CTF1: variants seen among roughly 807,000 people sequenced by gnomAD.
The protein encoded by CTF1 is cardiotrophin-1.
Under a neutral mutation model 10.9 loss-of-function variants are expected in CTF1, and 9 were observed. The observed-to-expected ratio is 0.83, with a 90% confidence interval of 0.50 to 1.44. The LOEUF is 1.44. CTF1 is among the 40% of genes most tolerant of loss of function. The pLI is 0.00. For synonymous variants in CTF1, 133 were observed against 138.8 expected (o/e 0.96, Z 0.29); for missense variants, 259 against 275.3 (o/e 0.94, Z 0.42).
chr16:30,900,304 A>T (rs560195487), intron 2 of CTF1, among the ~76,000 whole-genome samples: 54 of 152,328 alleles, frequency 3.5e-4, no homozygotes, highest in African/African-American at 1.2e-3. Context: ...CCAAGGAAAG[A>T]AAATATTTCC....
intron 2 of CTF1, among the ~76,000 whole-genome samples, chr16:30,901,272 AG>A (rs986844415): frequency 1.6e-4 from 24 of 152,182 alleles, no homozygotes; most frequent in Non-Finnish European, 1.2e-4. Context: ...GAGGTTGGGG[AG>A]GATAGGGAAG....
chr16:30,899,531 T>TTG lies in CTF1; in HGVS notation c.142_143insTG (p.Tyr48LeufsTer25). ...ATACGCTGAGCAGCTGCTCCAGGAA[T>TTG]ATGTGAGTGGGAATGGGGGTGGGGG... On this transcript the variant is annotated frameshift_variant and splice_region_variant, in exon 2 of 3. Coordinates refer to ENST00000279804, the MANE Select transcript of CTF1 (RefSeq NM_001330.5). LOFTEE classifies it high-confidence loss of function. 6.4e-7 allele frequency: 1 copy of TTG among 1,573,692 alleles called. No homozygotes were observed. The highest frequency in any genetic ancestry group is 8.7e-7 in the Non-Finnish European group (1 of 1,147,754).
At chr16:30,898,162 A>ATTT (rs1368889898) in intron 1 of CTF1, among the ~76,000 whole-genome samples, 2 of 130,280 alleles carry the variant, frequency 1.5e-5, no homozygotes, top group Non-Finnish European at 1.6e-5. Flanking sequence ...CGCCTGGACA[A>ATTT]TTTTTTTTTT....
rs1049182086 is a variant in CTF1, at chr16:30,896,634, A to G, written c.-10A>G. On this transcript the variant is annotated 5_prime_UTR_variant, in exon 1 of 3. Transcript: ENST00000279804. ...GGCGTGAAGGGAGCCGGGATCAGCC[A>G]GGGGCCAGCATGAGCCGGAGGGAGG... The G allele has an allele frequency of 2.2e-5, 28 of 1,252,672 alleles. No homozygotes were observed. Among genetic ancestry groups the G allele is most frequent in the Non-Finnish European group, 2.7e-5 (27 of 990,110 alleles). The allele number at this position is 1,252,672 out of a possible 1,614,324, so 77.6% of individuals were successfully genotyped here.
Position 30,902,785 on chromosome 16 carries a change from G to A in CTF1, c.*246G>A, listed in dbSNP as rs1019282620. ...CCTCCTGGGCTCAAGCCATCCTTCC[G>A]CCTCAGCTTCCCCAGCAGCTGGGAC... On this transcript the variant is annotated 3_prime_UTR_variant, in exon 3 of 3. Coordinates refer to ENST00000279804, the MANE Select transcript of CTF1 (RefSeq NM_001330.5). 1.3e-5 allele frequency: 5 copies of A among 394,344 alleles called. No homozygotes were observed. Among genetic ancestry groups the A allele is most frequent in the Non-Finnish European group, 4.2e-6 (1 of 236,162 alleles). The allele number at this position is 394,344 out of a possible 1,614,324, so 24.4% of individuals were successfully genotyped here. A position where few individuals can be genotyped will look rare whatever the true frequency, so the allele number is the denominator to read the frequency against.
chr16:30,902,598 C>CT lies in CTF1; in HGVS notation c.*62dup, dbSNP rs1397971991. 2 of 1,437,192 alleles carry CT rather than the reference C, an allele frequency of 1.4e-6. No homozygotes were observed. Among genetic ancestry groups the CT allele is most frequent in the East Asian group, 5.9e-5 (2 of 33,692 alleles). 89.0% of individuals were successfully genotyped at this position (1,437,192 alleles called of 1,614,324 possible). A position where few individuals can be genotyped will look rare whatever the true frequency, so the allele number is the denominator to read the frequency against. On this transcript the variant is annotated 3_prime_UTR_variant, in exon 3 of 3. Coordinates refer to ENST00000279804, the MANE Select transcript of CTF1 (RefSeq NM_001330.5). Reference sequence around the variant, plus strand: ...CTGGGTTCCGTCTCTCCTTCCGCTTCTTTGTCTTTCTCTGCCGCTGTCGGT... The same window carrying CT: ...CTGGGTTCCGTCTCTCCTTCCGCTTCTTTTGTCTTTCTCTGCCGCTGTCGGT...
Position 30,902,249 on chromosome 16 carries a change from C to G in CTF1, c.316C>G (p.Arg106Gly). 9.0e-7 allele frequency: 1 copy of G among 1,110,570 alleles called. No homozygotes were observed. The highest frequency in any genetic ancestry group is 1.1e-6 in the Non-Finnish European group (1 of 912,682). 68.8% of individuals were successfully genotyped at this position (1,110,570 alleles called of 1,614,324 possible). Reference sequence around the variant, plus strand: ...GCCCCCGCTGCTGGACGCAGTGTGTCGCCGCCAGGCCGAGCTGAACCCGCG... The same window carrying G: ...GCCCCCGCTGCTGGACGCAGTGTGTGGCCGCCAGGCCGAGCTGAACCCGCG... ...ALPPLLDAVC[R>G]RQAELNPRAP... Residue 106 changes from arginine to glycine, a missense_variant, in exon 3 of 3, where the codon CGC becomes GGC. By Grantham distance (125) the Arg-to-Gly change is moderately radical (BLOSUM62 -2). Coordinates refer to ENST00000279804, the MANE Select transcript of CTF1 (RefSeq NM_001330.5).
intron 1 of CTF1, among the ~76,000 whole-genome samples, chr16:30,898,833 A>AT (rs2055376401): frequency 6.6e-6 from 1 of 151,750 alleles, no homozygotes; most frequent in Non-Finnish European, 1.5e-5. Context: ...TTATATTTGT[A>AT]TTTTTTGTAA....
chr16:30,895,959 A>ATCATCCCTAT (rs2055343893), upstream of CTF1, among the ~76,000 whole-genome samples: 2 of 149,848 alleles, frequency 1.3e-5, 1 homozygote, highest in South Asian at 4.2e-4. Flanking sequence ...CCAAGTATGG[A>ATCATCCCTAT]TCATCCCTAT....
At chr16:30,899,050 G>A (rs114299170) in intron 1 of CTF1, among the ~76,000 whole-genome samples, 59 of 152,270 alleles carry the variant, frequency 3.9e-4, no homozygotes, top group African/African-American at 1.3e-3. Context: ...AGGAACAATT[G>A]ACTAACACCA....
chr16:30,899,490 C>T lies in CTF1; in HGVS notation c.101C>T (p.Ala34Val), dbSNP rs753956418. The stretch of plus-strand genomic sequence containing the variant: ...AAGATCCGTCAGACACACAGCCTTG[C>T]GCACCTCCTCACCAAATACGCTGAG... ...EAKIRQTHSLAHLLTKYAEQL... is the reference protein window; with the variant it reads ...EAKIRQTHSLVHLLTKYAEQL... The change falls in exon 2 of 3, where the codon GCG becomes GTG. Residue 34 changes from alanine to valine, a missense_variant. Ala to Val is a moderately conservative substitution (Grantham distance 64). Coordinates refer to ENST00000279804, the MANE Select transcript of CTF1 (RefSeq NM_001330.5). 22 of 1,613,206 alleles carry T rather than the reference C, an allele frequency of 1.4e-5. No individual in the cohort carries two copies. The East Asian group carries it at 1.6e-4, about 11-fold the overall frequency.
chr16:30,898,593 G>A (rs565099452), intron 1 of CTF1, among the ~76,000 whole-genome samples: 2 of 152,056 alleles, frequency 1.3e-5, no homozygotes, highest in East Asian at 1.9e-4. Context: ...ACGCCTAACC[G>A]ATATATATTA....
upstream of CTF1, among the ~76,000 whole-genome samples, chr16:30,896,409 C>T (rs939534925): frequency 1.2e-4 from 18 of 152,238 alleles, no homozygotes; most frequent in African/African-American, 4.1e-4. Flanking sequence ...GCCCCGAGGT[C>T]CTGTCCACCC....
At position 30,902,618 on chromosome 16, in the gene CTF1, G is replaced by A; in HGVS notation, c.*79G>A. The A allele has an allele frequency of 7.1e-7, 1 of 1,404,532 alleles. No individual in the cohort carries two copies. Among genetic ancestry groups the A allele is most frequent in the Non-Finnish European group, 9.3e-7 (1 of 1,073,710 alleles). 87.0% of individuals were successfully genotyped at this position (1,404,532 alleles called of 1,614,324 possible). ...CGCTTCTTTGTCTTTCTCTGCCGCT[G>A]TCGGTGTCTGTCTGTCTGCTCTTAG... On this transcript the variant is annotated 3_prime_UTR_variant, in exon 3 of 3. Transcript: ENST00000279804.
At chr16:30,901,985 C>A in intron 2 of CTF1, 93 bp from the exon 3 acceptor site, 1 of 1,163,302 alleles carries the variant, frequency 8.6e-7, no homozygotes, top group South Asian at 2.1e-5. Flanking sequence ...GATGAGGAAA[C>A]TGACACCCCC....
Position 30,902,289 on chromosome 16 carries a change from T to G in CTF1, c.356T>G (p.Leu119Arg), listed in dbSNP as rs2055409233. ...CTGAACCCGCGCGCGCCGCGCCTGC[T>G]GCGCCGCCTGGAGGACGCGGCGCGC... is the stretch of plus-strand genomic sequence containing the variant. ...AELNPRAPRL[L>R]RRLEDAARQA... The change falls in exon 3 of 3, where the codon CTG becomes CGG. Residue 119 changes from leucine (L) to arginine (R), a missense_variant. Transcript: ENST00000279804. 2.0e-6 allele frequency: 2 copies of G among 1,016,590 alleles called. No homozygotes were observed. Among genetic ancestry groups the G allele is most frequent in the East Asian group, 2.0e-4 (2 of 10,012 alleles). 63.0% of individuals were successfully genotyped at this position (1,016,590 alleles called of 1,614,324 possible).
At chr16:30,896,433 C>G (rs1481625367), upstream of CTF1, among the ~76,000 whole-genome samples, 1 of 152,226 alleles carries the variant, frequency 6.6e-6, no homozygotes, top group African/African-American at 2.4e-5. Flanking sequence ...AGACAACTTG[C>G]CTTCCCCCTC....
Position 30,899,563 on chromosome 16 carries a change from G to A in CTF1, c.144+30G>A, listed in dbSNP as rs377313458. 4.6e-6 allele frequency: 5 copies of A among 1,095,568 alleles called. 1 individual carries two copies. Among genetic ancestry groups the A allele is most frequent in the South Asian group, 3.9e-5 (3 of 76,036 alleles). The allele number at this position is 1,095,568 out of a possible 1,614,324, so 67.9% of individuals were successfully genotyped here. A position where few individuals can be genotyped will look rare whatever the true frequency, so the allele number is the denominator to read the frequency against. On this transcript the variant is annotated intron_variant, in intron 2 of 2. Coordinates refer to ENST00000279804, the MANE Select transcript of CTF1 (RefSeq NM_001330.5). Reference sequence around the variant, plus strand: ...GTGGGAATGGGGGTGGGGGTGCCGGGGGCCTGGGGAATGGGAGCAGACATC... The same window carrying A: ...GTGGGAATGGGGGTGGGGGTGCCGGAGGCCTGGGGAATGGGAGCAGACATC...
rs751342199 is a variant in CTF1 at position 30,902,551 on chromosome 16, C to T, written c.*12C>T. On this transcript the variant is annotated 3_prime_UTR_variant, in exon 3 of 3. Transcript: ENST00000279804. ...GGGGCTCGGCCTGAGCGCCGCGGGG[C>T]AGCTCGCCCCGCCTCCTCCCGCTGG... 14 of 1,495,992 alleles carry T rather than the reference C, an allele frequency of 9.4e-6. No individual in the cohort carries two copies. The African/African-American group carries it at 2.0e-4, about 22-fold the overall frequency. 92.7% of individuals were successfully genotyped at this position (1,495,992 alleles called of 1,614,324 possible). A position where few individuals can be genotyped will look rare whatever the true frequency, so the allele number is the denominator to read the frequency against.
Sources: allele counts gnomAD v4.1 joint callset (sites outside exome capture counted in the v4.1 genomes callset), GRCh38; gene constraint gnomAD v4.1.1; transcripts MANE v1.5; gene names NCBI Gene and HGNC (gene_info 2026-07-23, HGNC 2026-07-21).